The following TMEM64 variants were observed in gnomAD, a reference collection of about 807,000 sequenced individuals.
TMEM64 encodes transmembrane protein 64.
In TMEM64, 19 loss-of-function variants were observed where a neutral mutation model predicts 24.5. The ratio of observed to expected loss-of-function variants is 0.78; its 90% CI spans 0.54 to 1.14. The LOEUF (loss-of-function observed/expected upper bound fraction) is 1.14, where lower values mean the gene tolerates loss of function less well. Ranked by LOEUF, TMEM64 falls within the 50% of genes most tolerant of loss-of-function variation. The probability of loss-of-function intolerance (pLI) is 0.00; values close to 1 mark genes in which losing one functional copy is unlikely to be tolerated. For synonymous variants in TMEM64, 262 were observed against 224.7 expected, an observed-to-expected ratio of 1.17 and a Z score of -1.49; for missense variants, 487 against 493.0, an observed-to-expected ratio of 0.99 and a Z score of 0.12.
intron 1 of TMEM64, among the ~76,000 whole-genome samples, chr8:90,633,876 CTATT>C (rs1237764887): frequency 6.6e-6 from 1 of 151,974 alleles, no homozygotes; most frequent in Non-Finnish European, 1.5e-5. Context: ...TTTGTAAGAA[CTATT>C]TATATAGTGA....
intron 2 of TMEM64, among the ~76,000 whole-genome samples, chr8:90,627,704 G>A (rs1056281258): frequency 6.6e-6 from 1 of 152,036 alleles, no homozygotes; most frequent in Non-Finnish European, 1.5e-5. Flanking sequence ...CTGTAAAAAA[G>A]TTTTCAGAGT....
At chr8:90,632,409 G>A (rs762239679) in intron 1 of TMEM64, among the ~76,000 whole-genome samples, 4 of 152,052 alleles carry the variant, frequency 2.6e-5, no homozygotes, top group Non-Finnish European at 2.9e-5. Flanking sequence ...TGCAAGCTCC[G>A]CCTCCCCGGT....
At chr8:90,629,732 T>C (rs1050543157) in intron 2 of TMEM64, among the ~76,000 whole-genome samples, 3 of 152,096 alleles carry the variant, frequency 2.0e-5, no homozygotes, top group Admixed American at 6.5e-5. Flanking sequence ...GAAGAAAATA[T>C]AGCTCTGGGG....
chr8:90,631,327 C>G (rs1809433263), intron 2 of TMEM64, among the ~76,000 whole-genome samples: 1 of 152,048 alleles, frequency 6.6e-6, no homozygotes, highest in Non-Finnish European at 1.5e-5. Flanking sequence ...TTTTTTGCCT[C>G]TTTAAGAGGA....
rs910901439 is a variant in TMEM64, at chr8:90,645,838, C to T, written c.68G>A (p.Gly23Asp). ...PRLLQHAALPGLAELPARWAL... is the reference protein window; with the variant it reads ...PRLLQHAALPDLAELPARWAL... The stretch of plus-strand genomic sequence containing the variant: ...CCAGCGGGCCGGCAGCTCGGCGAGG[C>T]CCGGGAGGGCGGCGTGCTGCAGCAG... The change falls in exon 1 of 3, where the codon GGC becomes GAC. Residue 23 changes from glycine (G) to aspartate (D), a missense_variant. This residue lies in a region of TMEM64 where 419 missense variants were observed against 407.5 expected (regional missense o/e 1.03). Coordinates refer to ENST00000458549, the MANE Select transcript of TMEM64 (RefSeq NM_001008495.4). This position sits in a 1 kb window ranked among gnomAD's most constrained non-coding sequence, Gnocchi z 4.2. 4.6e-6 allele frequency: 5 copies of T among 1,096,762 alleles called. No individual in the cohort carries two copies. Among genetic ancestry groups the T allele is most frequent in the African/African-American group, 1.7e-5 (1 of 59,594 alleles). The allele number at this position is 1,096,762 out of a possible 1,614,324, so 67.9% of individuals were successfully genotyped here. A position where few individuals can be genotyped will look rare whatever the true frequency, so the allele number is the denominator to read the frequency against.
chr8:90,645,828 C>G lies in TMEM64; in HGVS notation c.78G>C (p.Glu26Asp), dbSNP rs568756493. ...GCGGCAGGGCCCAGCGGGCCGGCAG[C>G]TCGGCGAGGCCCGGGAGGGCGGCGT... ...LQHAALPGLA[E>D]LPARWALPRG... Residue 26 changes from glutamate to aspartate, a missense_variant, in exon 1 of 3, where the codon GAG becomes GAC. Coordinates refer to ENST00000458549, the MANE Select transcript of TMEM64 (RefSeq NM_001008495.4). This position sits in a 1 kb window ranked among gnomAD's most constrained non-coding sequence, Gnocchi z 4.2. The G allele has an allele frequency of 9.3e-7, 1 of 1,074,486 alleles. No homozygotes were observed. Among genetic ancestry groups the G allele is most frequent in the Non-Finnish European group, 1.1e-6 (1 of 888,490 alleles). The allele number at this position is 1,074,486 out of a possible 1,614,324, so 66.6% of individuals were successfully genotyped here.
At position 90,645,082 on chromosome 8, in the gene TMEM64, G is replaced by T. The variant is rs1809668576; in HGVS notation, c.795+29C>A. The T allele has an allele frequency of 6.3e-7, 1 of 1,577,014 alleles. No homozygotes were observed. The highest frequency in any genetic ancestry group is 8.6e-7 in the Non-Finnish European group (1 of 1,156,978). ...AAGACCGCTCAAAAACAGACTTGGA[G>T]AGGGATAGGCCAGCGGGACCCCACT... is the stretch of plus-strand genomic sequence containing the variant. On this transcript the variant is annotated intron_variant, in intron 1 of 2. Transcript: ENST00000458549. The surrounding 1 kb of genome is among the most constrained non-coding windows in gnomAD (Gnocchi z 4.2).
At chr8:90,628,229 A>C (rs1238132725) in intron 2 of TMEM64, among the ~76,000 whole-genome samples, 3 of 152,230 alleles carry the variant, frequency 2.0e-5, no homozygotes, top group African/African-American at 7.2e-5. Flanking sequence ...CTCATACAGA[A>C]AGACAGGCAT....
At chr8:90,638,928 C>T (rs528668500) in intron 1 of TMEM64, among the ~76,000 whole-genome samples, 4 of 152,016 alleles carry the variant, frequency 2.6e-5, no homozygotes, top group African/African-American at 4.8e-5. Context: ...CTTTTATTCA[C>T]GGCTACACCT....
In TMEM64 at chr8:90,625,627, T is replaced by G. The variant is rs372874818; in HGVS notation, c.*44A>C. 2.5e-5 allele frequency: 39 copies of G among 1,536,820 alleles called. 2 individuals are homozygous for G. The highest frequency in any genetic ancestry group is 3.6e-6 in the Non-Finnish European group (4 of 1,119,610). On this transcript the variant is annotated 3_prime_UTR_variant, in exon 3 of 3. Transcript: ENST00000458549. ...CACTAGTGAAGTGACTGCTAGACCT[T>G]AGATAGCACACTAGGCTCTTGACAA... is the stretch of plus-strand genomic sequence containing the variant.
chr8:90,638,126 G>A (rs1188827113), intron 1 of TMEM64, among the ~76,000 whole-genome samples: 1 of 152,034 alleles, frequency 6.6e-6, no homozygotes, highest in Non-Finnish European at 1.5e-5. Context: ...TAACCCTGCA[G>A]AAATCTTTTT....
intron 2 of TMEM64, among the ~76,000 whole-genome samples, chr8:90,626,145 T>C (rs1423862215): frequency 6.6e-6 from 1 of 152,188 alleles, no homozygotes; most frequent in African/African-American, 2.4e-5. Context: ...ACCTGTCTCT[T>C]TGTACCAAAA....
chr8:90,631,170 T>C (rs902375325), intron 2 of TMEM64, among the ~76,000 whole-genome samples: 1 of 152,178 alleles, frequency 6.6e-6, no homozygotes, highest in Non-Finnish European at 1.5e-5. Context: ...TTTCAATAAT[T>C]TGAATATAAA....
At chr8:90,639,954 T>C (rs568145927) in intron 1 of TMEM64, among the ~76,000 whole-genome samples, 110 of 152,286 alleles carry the variant, frequency 7.2e-4, no homozygotes, top group African/African-American at 2.2e-3. Flanking sequence ...GATTAGTGAA[T>C]TGTAAGCCTA....
chr8:90,645,670 G>A lies in TMEM64; in HGVS notation c.236C>T (p.Ser79Leu). 6.6e-6 allele frequency: 10 copies of A among 1,514,774 alleles called. No homozygotes were observed. The highest frequency in any genetic ancestry group is 8.8e-6 in the Non-Finnish European group (10 of 1,137,846). 93.8% of individuals were successfully genotyped at this position (1,514,774 alleles called of 1,614,324 possible). Residue 79 changes from serine (S) to leucine (L), a missense_variant, in exon 1 of 3, where the codon TCG becomes TTG. Coordinates refer to ENST00000458549, the MANE Select transcript of TMEM64 (RefSeq NM_001008495.4). The surrounding 1 kb of genome is among the most constrained non-coding windows in gnomAD (Gnocchi z 4.2). ...GGCCCCGCCCGGCTCCGGCAGCTCC[G>A]AAGCCTCGGGCGGACCGTGGCGCTC... ...YLERHGPPEA[S>L]ELPEPGGALA...
At chr8:90,643,076 C>T (rs1809631042) in intron 1 of TMEM64, among the ~76,000 whole-genome samples, 1 of 152,092 alleles carries the variant, frequency 6.6e-6, no homozygotes, top group African/African-American at 2.4e-5. Flanking sequence ...GAGACAAAAT[C>T]AAAAGAAAAG....
intron 1 of TMEM64, among the ~76,000 whole-genome samples, chr8:90,635,515 A>G (rs1809506010): frequency 6.6e-6 from 1 of 152,078 alleles, no homozygotes; most frequent in Non-Finnish European, 1.5e-5. Context: ...TTTATACGAC[A>G]CACACAAATC....
At chr8:90,626,440 G>C (rs1809360450) in intron 2 of TMEM64, among the ~76,000 whole-genome samples, 1 of 152,040 alleles carries the variant, frequency 6.6e-6, no homozygotes, top group Non-Finnish European at 1.5e-5. Context: ...AACAAAATCA[G>C]AGGAAAACAT....
chr8:90,629,799 T>C (rs963427888), intron 2 of TMEM64, among the ~76,000 whole-genome samples: 5 of 152,086 alleles, frequency 3.3e-5, no homozygotes, highest in Admixed American at 6.5e-5. Flanking sequence ...TATTACAAAA[T>C]TTTTCTTAAA....
Sources: gnomAD v4.1 joint callset for allele counts (sites outside exome capture counted in the v4.1 genomes callset) on GRCh38, gnomAD v4.1.1 for gene constraint, gnomAD v4.1.1 regional missense constraint, Gnocchi (gnomAD v3.1) non-coding constraint, MANE v1.5 for transcripts, NCBI Gene and HGNC (gene_info 2026-07-23, HGNC 2026-07-21) for gene names.